Variants in MCC observed in about 807,000 individuals in gnomAD.
MCC encodes MCC regulator of Wnt signaling pathway, also known as colorectal mutant cancer protein.
In MCC, 90 loss-of-function variants were observed where a neutral mutation model predicts 116.2. The ratio of observed to expected loss-of-function variants is 0.77; its 90% CI spans 0.65 to 0.92. MCC has a LOEUF of 0.92. Among genes scored for constraint, MCC ranks in the 40% least tolerant of loss-of-function variants. The pLI, the probability that MCC is intolerant of heterozygous loss-of-function variation, is 0.00. For synonymous variants in MCC, 578 were observed against 510.5 expected (o/e 1.13, Z -1.78); for missense variants, 1,516 against 1,312.2 (o/e 1.16, Z -2.40).
At chr5:113,292,320 G>T (rs1165675629) in intron 3 of MCC, among the ~76,000 whole-genome samples, 1 of 152,064 alleles carries the variant, frequency 6.6e-6, no homozygotes, top group African/African-American at 2.4e-5. Flanking sequence ...ACATTGATTG[G>T]AAAGAGGTAC....
intron 1 of MCC, among the ~76,000 whole-genome samples, chr5:113,424,224 G>C (rs966403065): frequency 2.1e-5 from 3 of 146,232 alleles, no homozygotes; most frequent in Admixed American, 1.4e-4. Context: ...TTAAATATCA[G>C]GAACAACTGA....
At chr5:113,386,553 T>A (rs71577444) in intron 1 of MCC, among the ~76,000 whole-genome samples, 1 of 152,160 alleles carries the variant, frequency 6.6e-6, no homozygotes, top group East Asian at 1.9e-4. Context: ...AATGCTTTTA[T>A]ACTTGCTCTT....
chr5:113,458,785 G>C (rs540554850), intron 1 of MCC, among the ~76,000 whole-genome samples: 1 of 152,276 alleles, frequency 6.6e-6, no homozygotes, highest in East Asian at 1.9e-4. Flanking sequence ...TTAAGGCCCT[G>C]TATATGGCAT....
At chr5:113,432,246 C>G (rs1326876072) in intron 1 of MCC, among the ~76,000 whole-genome samples, 1 of 149,726 alleles carries the variant, frequency 6.7e-6, no homozygotes, top group Non-Finnish European at 1.5e-5. Context: ...TAACCCAGAA[C>G]CGGGAGGCAG....
chr5:113,276,790 C>A (rs1408081576), intron 3 of MCC, among the ~76,000 whole-genome samples: 1 of 148,694 alleles, frequency 6.7e-6, no homozygotes, highest in Non-Finnish European at 1.5e-5. Flanking sequence ...CCACACCCAA[C>A]TAATTTTTCT....
chr5:113,064,287 G>T, intron 13 of MCC, 120 bp from the exon 14 acceptor site: 1 of 874,338 alleles, frequency 1.1e-6, no homozygotes. Context: ...GAAGGGAATT[G>T]GCAGTGCCCA....
chr5:113,411,066 T>C (rs1406957614), intron 1 of MCC, among the ~76,000 whole-genome samples: 3 of 152,220 alleles, frequency 2.0e-5, no homozygotes, highest in Admixed American at 2.0e-4. Context: ...ACAATAAACA[T>C]ACATGTGCAT....
intron 5 of MCC, among the ~76,000 whole-genome samples, chr5:113,125,978 T>C (rs902633252): frequency 6.6e-6 from 1 of 152,028 alleles, no homozygotes; most frequent in African/African-American, 2.4e-5. Context: ...ACCAGAAAAA[T>C]AGCACCTCTG....
intron 3 of MCC, among the ~76,000 whole-genome samples, chr5:113,252,424 C>G (rs576693408): frequency 6.6e-6 from 1 of 152,168 alleles, no homozygotes; most frequent in Non-Finnish European, 1.5e-5. Flanking sequence ...CTATTGTAAA[C>G]TGAGCACGTG....
intron 3 of MCC, among the ~76,000 whole-genome samples, chr5:113,311,519 G>A (rs1767133788): frequency 1.3e-5 from 2 of 152,272 alleles, no homozygotes; most frequent in Non-Finnish European, 2.9e-5. Flanking sequence ...GTGAGTCCAG[G>A]CTTTACAGTC....
intron 3 of MCC, among the ~76,000 whole-genome samples, chr5:113,281,672 T>A (rs1283356577): frequency 6.6e-6 from 1 of 152,248 alleles, no homozygotes; most frequent in Non-Finnish European, 1.5e-5. Context: ...CCCAGTATTC[T>A]GACTTGACAC....
At chr5:113,292,238 AT>A (rs1766525534) in intron 3 of MCC, among the ~76,000 whole-genome samples, 1 of 152,164 alleles carries the variant, frequency 6.6e-6, no homozygotes, top group African/African-American at 2.4e-5. Flanking sequence ...TCTCCAAAAA[AT>A]AAATAAATAA....
chr5:113,223,838 A>T (rs1763639026), intron 3 of MCC, among the ~76,000 whole-genome samples: 3 of 152,042 alleles, frequency 2.0e-5, no homozygotes, highest in Admixed American at 2.0e-4. Context: ...ACAAATAAGT[A>T]CTTCATTTTC....
At chr5:113,109,774 T>C (rs11952087) in intron 6 of MCC, among the ~76,000 whole-genome samples, 8,027 of 152,164 alleles carry the variant, frequency 0.053, 623 homozygotes, top group African/African-American at 0.17. Context: ...ATTTGAAGTA[T>C]TGTAATTTAA....
chr5:113,290,196 T>C (rs1172405980), intron 3 of MCC, among the ~76,000 whole-genome samples: 3 of 152,232 alleles, frequency 2.0e-5, no homozygotes, highest in Non-Finnish European at 4.4e-5. Flanking sequence ...GGTGAAAGCA[T>C]GGAGAGTTGC....
chr5:113,488,367 G>A lies in MCC; in HGVS notation c.48C>T (p.Gly16=), dbSNP rs1280979719. ...TGCTGCCGCTGCCGCCGCCGCCGCC[G>A]CCGCTGCTGGAGCTCCCCGCAGCCG... is the stretch of plus-strand genomic sequence containing the variant. ...AAAAAGSSSS[G]GGGGGSGSSS... The change falls in exon 1 of 19, where the codon GGC becomes GGT. Residue 16 remains glycine (G), a synonymous_variant. Coordinates refer to ENST00000408903, the MANE Select transcript of MCC (RefSeq NM_001085377.2). The A allele has an allele frequency of 4.2e-5, 64 of 1,518,416 alleles. No homozygotes were observed. The highest frequency in any genetic ancestry group is 5.5e-5 in the Non-Finnish European group (63 of 1,138,892). 94.1% of individuals were successfully genotyped at this position (1,518,416 alleles called of 1,614,324 possible). A position where few individuals can be genotyped will look rare whatever the true frequency, so the allele number is the denominator to read the frequency against.
intron 6 of MCC, among the ~76,000 whole-genome samples, chr5:113,104,859 A>G (rs569643741): frequency 8.5e-5 from 13 of 152,224 alleles, no homozygotes; most frequent in Non-Finnish European, 1.8e-4. Flanking sequence ...GAACCAATCA[A>G]TATGCTCCAC....
At chr5:113,060,491 G>A (rs1392341084) in intron 14 of MCC, among the ~76,000 whole-genome samples, 1 of 152,108 alleles carries the variant, frequency 6.6e-6, no homozygotes, top group East Asian at 1.9e-4. Context: ...CCTGGGGGTG[G>A]GCATCTGTTT....
At chr5:113,344,486 A>G (rs1045174524) in intron 2 of MCC, among the ~76,000 whole-genome samples, 6 of 151,902 alleles carry the variant, frequency 3.9e-5, no homozygotes, top group African/African-American at 1.5e-4. Flanking sequence ...ACCCCACCTC[A>G]GTAACCCCAG....
Sources: gnomAD v4.1 joint callset for allele counts (sites outside exome capture counted in the v4.1 genomes callset) on GRCh38, gnomAD v4.1.1 for gene constraint, MANE v1.5 for transcripts, NCBI Gene and HGNC (gene_info 2026-07-23, HGNC 2026-07-21) for gene names.